The following ANKRD30B variants were observed in gnomAD, a reference collection of about 807,000 sequenced individuals.
The protein encoded by ANKRD30B is ankyrin repeat domain-containing protein 30B.
In ANKRD30B, 144 loss-of-function variants were observed where a neutral mutation model predicts 202.2. That is an observed-to-expected ratio of 0.71 (90% CI 0.62 to 0.82). The LOEUF (loss-of-function observed/expected upper bound fraction) is 0.82. Among genes scored for constraint, ANKRD30B ranks in the 40% least tolerant of loss-of-function variants. The probability of loss-of-function intolerance (pLI) is 0.00; values close to 1 mark genes in which losing one functional copy is unlikely to be tolerated. For synonymous variants in ANKRD30B, 508 were observed against 561.3 expected (o/e 0.91, Z 1.34); for missense variants, 1,487 against 1,669.1 (o/e 0.89, Z 1.90).
the ANKRD30B span, among the ~76,000 whole-genome samples, chr18:14,933,240 G>A: frequency 1.3e-5 from 2 of 152,166 alleles, no homozygotes; most frequent in Admixed American, 1.3e-4. Flanking sequence ...TGCATGCAGG[G>A]TCCAGCCCAC....
downstream of ANKRD30B, among the ~76,000 whole-genome samples, chr18:14,855,722 G>A: frequency 6.7e-6 from 1 of 149,758 alleles, no homozygotes; most frequent in African/African-American, 2.5e-5. Context: ...CTGGGCAGAG[G>A]TGCTCCTCAC....
intron 33 of ANKRD30B, among the ~76,000 whole-genome samples, chr18:14,829,276 T>C (rs1171937877): frequency 6.6e-6 from 1 of 152,176 alleles, no homozygotes; most frequent in Non-Finnish European, 1.5e-5. Context: ...AAAATTGTTG[T>C]TCACATGGAG....
chr18:14,873,184 T>C, the ANKRD30B span, among the ~76,000 whole-genome samples: 5 of 152,154 alleles, frequency 3.3e-5, no homozygotes, highest in African/African-American at 1.2e-4. Context: ...TTATTCAGTA[T>C]ACTTATTTAT....
chr18:14,757,678 G>A (rs1462848970), intron 4 of ANKRD30B, 137 bp from the exon 5 acceptor site: 17 of 919,368 alleles, frequency 1.8e-5, no homozygotes, highest in Non-Finnish European at 2.6e-5. Context: ...TTTAGATTTG[G>A]TGGTGATTTG....
the ANKRD30B span, among the ~76,000 whole-genome samples, chr18:14,932,105 T>A: frequency 7.2e-6 from 1 of 138,636 alleles, no homozygotes; most frequent in South Asian, 2.6e-4. Context: ...ACATATTTTC[T>A]TCAGGGTACA....
intron 26 of ANKRD30B, among the ~76,000 whole-genome samples, chr18:14,809,597 A>G (rs1969787598): frequency 1.3e-5 from 2 of 150,798 alleles, no homozygotes; most frequent in South Asian, 4.2e-4. Flanking sequence ...AGAGCTATGA[A>G]CATATGCCTT....
Position 14,752,942 on chromosome 18 carries a change from T to A in ANKRD30B, c.440T>A (p.Val147Asp), listed in dbSNP as rs1156460555. ...VYGNTALHYA[V>D]YSENLLMVAT... ...GGCAACACGGCTCTCCATTATGCCGTTTATAGTGAGAATTTGTTAATGGTG... is the reference window on the plus strand; with the variant it reads ...GGCAACACGGCTCTCCATTATGCCGATTATAGTGAGAATTTGTTAATGGTG... The change falls in exon 3 of 44, where the codon GTT becomes GAT. Residue 147 changes from valine (V) to aspartate (D), a missense_variant. Val to Asp is a radical substitution (Grantham distance 152). Transcript: ENST00000690538. 2 of 1,603,694 alleles carry A rather than the reference T, an allele frequency of 1.2e-6. No homozygotes were observed. Among genetic ancestry groups the A allele is most frequent in the Non-Finnish European group, 1.7e-6 (2 of 1,174,562 alleles).
chr18:14,782,919 G>T (rs1967848746), intron 12 of ANKRD30B, among the ~76,000 whole-genome samples: 1 of 152,132 alleles, frequency 6.6e-6, no homozygotes, highest in Non-Finnish European at 1.5e-5. Flanking sequence ...AGAGAGTACA[G>T]GGAGTTCATG....
chr18:14,928,999 C>A, the ANKRD30B span, among the ~76,000 whole-genome samples: 4 of 152,250 alleles, frequency 2.6e-5, no homozygotes, highest in African/African-American at 9.6e-5. Context: ...TGAAACAAAG[C>A]TTATTGTGAC....
chr18:14,847,753 C>A (rs978939034), intron 39 of ANKRD30B, among the ~76,000 whole-genome samples: 3 of 151,658 alleles, frequency 2.0e-5, no homozygotes, highest in Admixed American at 2.0e-4. Context: ...TCAGACTATT[C>A]ATTTTCCTGT....
chr18:14,819,456 GT>G (rs1970294262), intron 30 of ANKRD30B, among the ~76,000 whole-genome samples: 1 of 149,824 alleles, frequency 6.7e-6, no homozygotes, highest in Admixed American at 6.6e-5. Flanking sequence ...GTCCTGAATG[GT>G]AATGCCTAGG....
At position 14,850,273 on chromosome 18, in the gene ANKRD30B, T is replaced by A. The variant is rs760295179; in HGVS notation, c.3455T>A (p.Ile1152Asn). 1 of 1,591,654 alleles carries A rather than the reference T, an allele frequency of 6.3e-7. No individual in the cohort carries two copies. Among genetic ancestry groups the A allele is most frequent in the South Asian group, 1.2e-5 (1 of 86,840 alleles). ...AATGTCGATATATTAAAAGAAAAAATTAGACCCGAAGAGCAACTTAGGAAA... is the reference window on the plus strand; with the variant it reads ...AATGTCGATATATTAAAAGAAAAAAATAGACCCGAAGAGCAACTTAGGAAA... The part of the protein sequence containing the change: ...RRNVDILKEK[I>N]RPEEQLRKKL... The change falls in exon 41 of 44, where the codon ATT becomes AAT. Residue 1152 changes from isoleucine (I) to asparagine (N), a missense_variant. Around this residue, in one of 6 missense-constraint regions of ANKRD30B, gnomAD observed 177 missense variants for 216.4 expected, o/e 0.82. Coordinates refer to ENST00000690538, the MANE Select transcript of ANKRD30B (RefSeq NM_001367607.2).
At chr18:14,818,754 T>C (rs1456328344) in intron 30 of ANKRD30B, among the ~76,000 whole-genome samples, 1 of 152,112 alleles carries the variant, frequency 6.6e-6, no homozygotes, top group East Asian at 1.9e-4. Flanking sequence ...CTTAATCCAG[T>C]CTATCATTGT....
chr18:14,844,945 T>A lies in ANKRD30B; in HGVS notation c.3181+1849T>A, dbSNP rs988874709. Among the ~76,000 whole-genome samples the A allele has an allele frequency of 9.9e-4, 151 of 152,030 alleles. 3 individuals are homozygous for A. The highest frequency in any genetic ancestry group is 1.8e-3 in the Non-Finnish European group (125 of 67,942). On this transcript the variant is annotated intron_variant, in intron 39 of 43. Transcript: ENST00000690538. ...TTTGATGGGGTTGTTTGATTTTTTT[T>A]TAAAACTTGTTTAAGTTCTTGTACA...
At chr18:14,909,140 G>A in the ANKRD30B span, among the ~76,000 whole-genome samples, 2 of 152,134 alleles carry the variant, frequency 1.3e-5, no homozygotes, top group Non-Finnish European at 2.9e-5. Context: ...GCAGTGGAGG[G>A]GTTTTGTCTG....
At chr18:14,825,226 A>G (rs1970611296) in intron 32 of ANKRD30B, 1 of 152,124 alleles carries the variant, frequency 6.6e-6, no homozygotes. Flanking sequence ...TTGTCTTGCC[A>G]CCTGCCGGGT....
chr18:14,831,507 A>G (rs191043645), intron 34 of ANKRD30B, 52 bp downstream of exon 34: 7 of 985,316 alleles, frequency 7.1e-6, no homozygotes, highest in Non-Finnish European at 1.1e-5. Flanking sequence ...CTAATTCTGT[A>G]TAGTATTTAC....
At chr18:14,811,502 C>A (rs1242532783) in intron 28 of ANKRD30B, among the ~76,000 whole-genome samples, 1 of 150,110 alleles carries the variant, frequency 6.7e-6, no homozygotes. Flanking sequence ...TGAGCCACCG[C>A]GCCCGGCCCA....
chr18:14,772,975 T>G (rs1967110601), intron 9 of ANKRD30B, among the ~76,000 whole-genome samples: 1 of 152,036 alleles, frequency 6.6e-6, no homozygotes, highest in Non-Finnish European at 1.5e-5. Context: ...TTGTAGAAAT[T>G]TAGAAATGTA....
Sources: gnomAD v4.1 joint callset for allele counts (sites outside exome capture counted in the v4.1 genomes callset) on GRCh38, gnomAD v4.1.1 for gene constraint, gnomAD v4.1.1 regional missense constraint, MANE v1.5 for transcripts, NCBI Gene and HGNC (gene_info 2026-07-23, HGNC 2026-07-21) for gene names.